The following LGR6 variants were observed in gnomAD, a reference collection of about 807,000 sequenced individuals.
LGR6 encodes leucine rich repeat containing G protein-coupled receptor 6, also known as leucine-rich repeat-containing G protein-coupled receptor 6.
LGR6 carries 45 observed loss-of-function variants against 69.4 expected under a neutral mutation model. The observed-to-expected ratio is 0.65, with a 90% confidence interval of 0.51 to 0.83. LGR6 has a LOEUF of 0.83. Ranked by LOEUF, LGR6 falls within the 40% of genes least tolerant of loss-of-function variation. The pLI is 0.00. For synonymous variants in LGR6, 538 were observed against 555.0 expected, an observed-to-expected ratio of 0.97 and a Z score of 0.43; for missense variants, 1,108 against 1,246.7, an observed-to-expected ratio of 0.89 and a Z score of 1.68.
At chr1:202,290,817 T>C (rs1666742057) in intron 6 of LGR6, among the ~76,000 whole-genome samples, 1 of 152,156 alleles carries the variant, frequency 6.6e-6, no homozygotes, top group Non-Finnish European at 1.5e-5. Flanking sequence ...TGAGCTGAGA[T>C]CGCGCCATTG....
At chr1:202,293,099 T>C (rs982344652) in intron 6 of LGR6, among the ~76,000 whole-genome samples, 1 of 113,778 alleles carries the variant, frequency 8.8e-6, no homozygotes, top group African/African-American at 2.7e-5. Flanking sequence ...AAACACTTAG[T>C]GGCTGGCACA....
chr1:202,256,885 T>C (rs952011550), intron 4 of LGR6, among the ~76,000 whole-genome samples: 1 of 152,218 alleles, frequency 6.6e-6, no homozygotes, highest in Non-Finnish European at 1.5e-5. Flanking sequence ...ACTTGTTATG[T>C]CTTTTTGATT....
chr1:202,255,539 C>T (rs1663695647), intron 4 of LGR6, among the ~76,000 whole-genome samples: 1 of 152,188 alleles, frequency 6.6e-6, no homozygotes, highest in Non-Finnish European at 1.5e-5. Flanking sequence ...CCCTTGCCGG[C>T]CCCCCTTAGC....
intron 15 of LGR6, among the ~76,000 whole-genome samples, 153 bp downstream of exon 15, chr1:202,309,329 C>A (rs1234872102): frequency 6.6e-6 from 1 of 152,228 alleles, no homozygotes; most frequent in African/African-American, 2.4e-5. Flanking sequence ...ACCTACAGAC[C>A]AAGAGGGGCC....
At chr1:202,262,460 G>T (rs1234618893) in intron 4 of LGR6, among the ~76,000 whole-genome samples, 2 of 151,876 alleles carry the variant, frequency 1.3e-5, no homozygotes, top group Non-Finnish European at 2.9e-5. Flanking sequence ...CTCTGTTTTG[G>T]TACCAGTACC....
At chr1:202,213,381 G>A (rs1161004488) in intron 1 of LGR6, among the ~76,000 whole-genome samples, 1 of 152,164 alleles carries the variant, frequency 6.6e-6, no homozygotes, top group Non-Finnish European at 1.5e-5. Flanking sequence ...CCAGCCCTTT[G>A]CCTTTCCTTG....
At chr1:202,203,789 G>A (rs778288577) in intron 1 of LGR6, 2 of 1,613,694 alleles carry the variant, frequency 1.2e-6, no homozygotes, top group Non-Finnish European at 1.7e-6. Flanking sequence ...AAAGGCGGTT[G>A]TGGTGCAAAG....
chr1:202,242,258 C>T (rs1044266314), intron 4 of LGR6, among the ~76,000 whole-genome samples: 5 of 152,214 alleles, frequency 3.3e-5, no homozygotes, highest in East Asian at 1.9e-4. Context: ...GGTCACACAG[C>T]TAGGATGTAA....
chr1:202,287,813 G>A (rs1217920053), intron 6 of LGR6, among the ~76,000 whole-genome samples: 1 of 152,124 alleles, frequency 6.6e-6, no homozygotes, highest in Admixed American at 6.5e-5. Flanking sequence ...CTGCTACCAC[G>A]ATGCTCCAAG....
chr1:202,314,919 T>A, intron 17 of LGR6, 37 bp downstream of exon 17: 2 of 1,508,950 alleles, frequency 1.3e-6, no homozygotes, highest in South Asian at 2.3e-5. Context: ...CGAGGGGGAA[T>A]GGAGAAAGGG....
intron 5 of LGR6, among the ~76,000 whole-genome samples, chr1:202,280,111 ATGT>A (rs1012900923): frequency 5.9e-5 from 9 of 151,822 alleles, no homozygotes; most frequent in Non-Finnish European, 1.0e-4. Flanking sequence ...TTTCCATGTA[ATGT>A]TGTTTTTTTC....
At chr1:202,244,193 G>A (rs949857343) in intron 4 of LGR6, among the ~76,000 whole-genome samples, 12 of 152,072 alleles carry the variant, frequency 7.9e-5, no homozygotes, top group South Asian at 6.2e-4. Context: ...TCCTGACCTC[G>A]TAATTCGCCT....
At chr1:202,252,884 T>C (rs1012558982) in intron 4 of LGR6, among the ~76,000 whole-genome samples, 2 of 152,320 alleles carry the variant, frequency 1.3e-5, no homozygotes, top group South Asian at 2.1e-4. Flanking sequence ...AAGTAAGCCT[T>C]AGGGAGCATT....
chr1:202,319,488 T>G lies in LGR6; in HGVS notation c.*281T>G. 1 of 390,368 alleles carries G rather than the reference T, an allele frequency of 2.6e-6. No individual in the cohort carries two copies. The highest frequency in any genetic ancestry group is 4.6e-6 in the Non-Finnish European group (1 of 219,450). 24.2% of individuals were successfully genotyped at this position (390,368 alleles called of 1,614,324 possible). A position where few individuals can be genotyped will look rare whatever the true frequency, so the allele number is the denominator to read the frequency against. On this transcript the variant is annotated 3_prime_UTR_variant, in exon 18 of 18. Coordinates refer to ENST00000367278, the MANE Select transcript of LGR6 (RefSeq NM_001017403.2). ...ACCAGAGACCTGGACTTTTGTCTGC[T>G]TAAGGGAAATGAGGGAAGTAAAGAC...
chr1:202,242,503 A>C (rs1203018310), intron 4 of LGR6, among the ~76,000 whole-genome samples: 2 of 152,182 alleles, frequency 1.3e-5, no homozygotes, highest in African/African-American at 4.8e-5. Context: ...GTCCCGAGTG[A>C]ATATCATGCA....
At chr1:202,300,976 C>A in intron 8 of LGR6, 56 bp downstream of exon 8, 3 of 1,500,806 alleles carry the variant, frequency 2.0e-6, no homozygotes, top group South Asian at 1.2e-5. Flanking sequence ...GGGAGGAGGA[C>A]AGAGGATGGG....
At chr1:202,274,065 C>CG (rs1429136963) in intron 4 of LGR6, among the ~76,000 whole-genome samples, 1 of 151,932 alleles carries the variant, frequency 6.6e-6, no homozygotes, top group Non-Finnish European at 1.5e-5. Flanking sequence ...CATCTGCAGA[C>CG]GGGGGAAAGC....
chr1:202,314,735 T>A, intron 16 of LGR6, 67 bp from the exon 17 acceptor site: 1 of 1,119,736 alleles, frequency 8.9e-7, no homozygotes, highest in Non-Finnish European at 1.4e-6. Flanking sequence ...AGGGGGCATT[T>A]GGAGAAAGGT....
chr1:202,293,304 C>A (rs551694643), intron 6 of LGR6, among the ~76,000 whole-genome samples: 1 of 152,320 alleles, frequency 6.6e-6, no homozygotes. Flanking sequence ...GTCATGCTCT[C>A]TCTTCTTGAT....
Sources: gnomAD v4.1 joint callset for allele counts (sites outside exome capture counted in the v4.1 genomes callset) on GRCh38, gnomAD v4.1.1 for gene constraint, MANE v1.5 for transcripts, NCBI Gene and HGNC (gene_info 2026-07-23, HGNC 2026-07-21) for gene names.